The following PTPRE variants were observed in gnomAD, a reference collection of about 807,000 sequenced individuals.
PTPRE encodes receptor-type tyrosine-protein phosphatase epsilon.
A neutral mutation model predicts 102.0 loss-of-function variants in PTPRE; 51 were observed. The observed-to-expected ratio is 0.50, with a 90% CI of 0.40 to 0.63. The LOEUF (loss-of-function observed/expected upper bound fraction) is 0.63. PTPRE is among the 30% of genes least tolerant of loss of function. PTPRE has a pLI of 0.00. For missense variants in PTPRE, 752 were observed against 915.1 expected (o/e 0.82, Z 2.30); for synonymous variants, 345 against 348.2 (o/e 0.99, Z 0.10).
At position 128,076,479 on chromosome 10, in the gene PTPRE, TG is replaced by T. The variant is rs893801070; in HGVS notation, c.1600-123del. The T allele has an allele frequency of 4.8e-5, 37 of 766,344 alleles. No individual in the cohort carries two copies. In the African/African-American group the frequency reaches 5.3e-4, roughly 11 times the overall value. 47.5% of individuals were successfully genotyped at this position (766,344 alleles called of 1,614,324 possible). ...ACAGGCATTTATATTCATATTCATA[TG>T]TTTTTTTTTTTGGTCAGATGAAATA... On this transcript the variant is annotated intron_variant, in intron 17 of 20. Coordinates refer to ENST00000254667, the MANE Select transcript of PTPRE (RefSeq NM_006504.6).
intron 1 of PTPRE, among the ~76,000 whole-genome samples, chr10:127,910,229 G>A (rs1456184890): frequency 6.6e-6 from 1 of 152,064 alleles, no homozygotes; most frequent in Non-Finnish European, 1.5e-5. Context: ...TGACCCAATG[G>A]CTTTGTCTTC....
chr10:128,062,414 C>G (rs1390223609), intron 9 of PTPRE, among the ~76,000 whole-genome samples: 1 of 152,252 alleles, frequency 6.6e-6, no homozygotes, highest in African/African-American at 2.4e-5. Flanking sequence ...GGAAACCTGA[C>G]GATCCTGGCT....
intron 1 of PTPRE, among the ~76,000 whole-genome samples, chr10:127,908,654 G>A (rs1284003970): frequency 2.0e-5 from 3 of 152,176 alleles, no homozygotes; most frequent in East Asian, 3.9e-4. Context: ...GGTCAGAGGC[G>A]AGGTGGAGCA....
At chr10:128,027,858 G>GA (rs1264139071) in intron 2 of PTPRE, among the ~76,000 whole-genome samples, 1 of 152,166 alleles carries the variant, frequency 6.6e-6, no homozygotes, top group African/African-American at 2.4e-5. Context: ...CCTGACGTTT[G>GA]AGCCCACCTG....
intron 1 of PTPRE, among the ~76,000 whole-genome samples, chr10:127,978,752 A>G (rs911184887): frequency 6.6e-6 from 1 of 151,926 alleles, no homozygotes; most frequent in Non-Finnish European, 1.5e-5. Flanking sequence ...CGGGCTTGGT[A>G]ACTCATGCCT....
chr10:128,039,404 C>CATATAGT (rs564121531), intron 2 of PTPRE, among the ~76,000 whole-genome samples: 61 of 152,172 alleles, frequency 4.0e-4, no homozygotes, highest in African/African-American at 1.4e-3. Context: ...AAATACCCAG[C>CATATAGT]ATATAGTAGG....
intron 2 of PTPRE, among the ~76,000 whole-genome samples, chr10:128,021,611 A>G (rs1845893214): frequency 1.3e-5 from 2 of 152,208 alleles, no homozygotes; most frequent in South Asian, 4.1e-4. Context: ...CTTGGCCTCC[A>G]AAGCATAGAA....
intron 1 of PTPRE, among the ~76,000 whole-genome samples, chr10:127,931,926 G>A (rs1458399624): frequency 6.6e-6 from 1 of 151,990 alleles, no homozygotes; most frequent in Non-Finnish European, 1.5e-5. Flanking sequence ...TAACTATTTG[G>A]GATATTTTTA....
At chr10:127,956,211 G>A (rs945347196) in intron 1 of PTPRE, among the ~76,000 whole-genome samples, 7 of 152,062 alleles carry the variant, frequency 4.6e-5, no homozygotes, top group Admixed American at 3.9e-4. Context: ...TTTAGGAGTC[G>A]ACTATATTAA....
At position 128,041,009 on chromosome 10, in the gene PTPRE, G is replaced by A; in HGVS notation, c.109+19G>A. 2.5e-6 allele frequency: 4 copies of A among 1,607,502 alleles called. No individual in the cohort carries two copies. Among genetic ancestry groups the A allele is most frequent in the South Asian group, 1.1e-5 (1 of 90,748 alleles). ...ACCTCAGGTAAGGACCCCTTTCCCTGGCTGCCTCCCCTACTACCTCCTCCT... is the reference window on the plus strand; with the variant it reads ...ACCTCAGGTAAGGACCCCTTTCCCTAGCTGCCTCCCCTACTACCTCCTCCT... On this transcript the variant is annotated intron_variant, in intron 3 of 20. Transcript: ENST00000254667.
chr10:127,994,377 C>T (rs118104374), intron 2 of PTPRE, among the ~76,000 whole-genome samples: 1 of 152,188 alleles, frequency 6.6e-6, no homozygotes, highest in African/African-American at 2.4e-5. Context: ...TTCTGTACCC[C>T]CGTTTTACTT....
intron 6 of PTPRE, among the ~76,000 whole-genome samples, chr10:128,054,223 C>T (rs1848773313): frequency 6.6e-6 from 1 of 152,128 alleles, no homozygotes; most frequent in Admixed American, 6.5e-5. Flanking sequence ...ATTGATGAAC[C>T]AACACTGCTC....
chr10:127,967,121 T>C (rs1041274126), intron 1 of PTPRE, among the ~76,000 whole-genome samples: 2 of 152,226 alleles, frequency 1.3e-5, no homozygotes, highest in Non-Finnish European at 2.9e-5. Context: ...GTGTGAAGAC[T>C]GCTAAGGGCA....
intron 2 of PTPRE, among the ~76,000 whole-genome samples, chr10:128,038,964 A>C (rs978597855): frequency 1.2e-4 from 18 of 152,174 alleles, no homozygotes; most frequent in Admixed American, 2.0e-4. Flanking sequence ...GATGAACAAA[A>C]TGATCTTTGT....
intron 1 of PTPRE, among the ~76,000 whole-genome samples, chr10:127,970,020 T>C (rs1458785888): frequency 2.0e-5 from 3 of 152,198 alleles, no homozygotes; most frequent in Admixed American, 2.0e-4. Context: ...TTTTGTGACC[T>C]CGAGCTGAAT....
intron 5 of PTPRE, among the ~76,000 whole-genome samples, chr10:128,049,311 G>C (rs990284531): frequency 6.6e-6 from 1 of 152,132 alleles, no homozygotes; most frequent in African/African-American, 2.4e-5. Context: ...ACTGGGCAGA[G>C]GGACGCCCGT....
chr10:127,962,729 G>T (rs1849925734), intron 1 of PTPRE, among the ~76,000 whole-genome samples: 1 of 152,240 alleles, frequency 6.6e-6, no homozygotes, highest in South Asian at 2.1e-4. Context: ...AGGTTGGATT[G>T]TTATGGCCAA....
intron 1 of PTPRE, among the ~76,000 whole-genome samples, chr10:127,949,086 G>C (rs969075145): frequency 2.0e-5 from 3 of 152,214 alleles, no homozygotes; most frequent in African/African-American, 7.2e-5. Context: ...TCCATCCCCT[G>C]GTTCTCAGGC....
intron 2 of PTPRE, among the ~76,000 whole-genome samples, chr10:128,030,804 T>C (rs1846682285): frequency 6.6e-6 from 1 of 152,182 alleles, no homozygotes; most frequent in Admixed American, 6.5e-5. Flanking sequence ...CTGTGCTCTC[T>C]GTCCCCTGCA....
Sources: gnomAD v4.1 joint callset for allele counts (sites outside exome capture counted in the v4.1 genomes callset) on GRCh38, gnomAD v4.1.1 for gene constraint, MANE v1.5 for transcripts, NCBI Gene and HGNC (gene_info 2026-07-23, HGNC 2026-07-21) for gene names.